The following COMMD7 variants were observed in gnomAD, a reference collection of about 807,000 sequenced individuals.
The protein encoded by COMMD7 is COMM domain containing 7.
A neutral mutation model predicts 34.8 loss-of-function variants in COMMD7; 28 were observed. The observed-to-expected ratio is 0.80, with a 90% CI of 0.60 to 1.10. The LOEUF is 1.10. COMMD7 is among the 50% of genes least tolerant of loss of function. The pLI is 0.00. For synonymous variants in COMMD7, 80 were observed against 86.4 expected (o/e 0.93, Z 0.41); for missense variants, 211 against 241.6 (o/e 0.87, Z 0.84).
At chr20:32,737,665 TA>T (rs34513807) in intron 1 of COMMD7, among the ~76,000 whole-genome samples, 104,659 of 150,850 alleles carry the variant, frequency 0.69, 36,981 homozygotes, top group Middle Eastern at 0.82. Context: ...CGTGTTGCTA[TA>T]AAAAAAATTA....
chr20:32,705,017 A>G lies in COMMD7; in HGVS notation c.337-113T>C, dbSNP rs1983980937. ...GACACAGATAGTGGGGAGGGTGCAG[A>G]AGATAGTGGGGAGGGTGCAGAACGA... On this transcript the variant is annotated intron_variant, in intron 5 of 8. Transcript: ENST00000278980. 7.9e-6 allele frequency: 6 copies of G among 761,314 alleles called. No individual in the cohort carries two copies. In the East Asian group the frequency reaches 1.3e-4, roughly 17 times the overall value. The allele number at this position is 761,314 out of a possible 1,614,324, so 47.2% of individuals were successfully genotyped here.
intron 3 of COMMD7, among the ~76,000 whole-genome samples, chr20:32,716,522 G>C (rs905845655): frequency 6.6e-6 from 1 of 152,188 alleles, no homozygotes; most frequent in Non-Finnish European, 1.5e-5. Flanking sequence ...GGCTGAGGCA[G>C]GAGAATGGCG....
chr20:32,710,996 C>G (rs148313573), intron 3 of COMMD7, among the ~76,000 whole-genome samples: 3 of 152,022 alleles, frequency 2.0e-5, no homozygotes. Context: ...ATAGGAGGAT[C>G]GCTTGAGCCC....
intron 3 of COMMD7, among the ~76,000 whole-genome samples, chr20:32,713,721 A>T (rs1187666270): frequency 6.6e-6 from 1 of 152,124 alleles, no homozygotes; most frequent in Non-Finnish European, 1.5e-5. Context: ...GGGAAACATC[A>T]ATGAACTGAA....
chr20:32,728,190 T>C (rs1985628609), intron 1 of COMMD7, 48 bp from the exon 2 acceptor site: 6 of 1,574,224 alleles, frequency 3.8e-6, no homozygotes, highest in South Asian at 1.1e-5. Flanking sequence ...TACTACTGGG[T>C]CAGCATGCCC....
intron 3 of COMMD7, among the ~76,000 whole-genome samples, chr20:32,707,170 G>A (rs28684963): frequency 2.5e-4 from 37 of 148,188 alleles, no homozygotes; most frequent in African/African-American, 8.6e-4. Flanking sequence ...TATAGTCCCA[G>A]CTACTCGGGA....
At chr20:32,738,799 A>T (rs898719905) in intron 1 of COMMD7, among the ~76,000 whole-genome samples, 1 of 151,934 alleles carries the variant, frequency 6.6e-6, no homozygotes, top group African/African-American at 2.4e-5. Context: ...TGGCATAATC[A>T]TAGCTAACCG....
Position 32,743,296 on chromosome 20 carries a change from C to G in COMMD7, c.84+12G>C, listed in dbSNP as rs934610264. ...CTGGGCCCCGCGCCCCACGCCCCGC[C>G]GCCGGGCCCACCTGCGCGCCCAGCT... On this transcript the variant is annotated intron_variant, in intron 1 of 8. Transcript: ENST00000278980. The G allele has an allele frequency of 2.0e-6, 3 of 1,514,182 alleles. No homozygotes were observed. The South Asian group carries it at 3.6e-5, about 18-fold the overall frequency. The allele number at this position is 1,514,182 out of a possible 1,614,324, so 93.8% of individuals were successfully genotyped here. A position where few individuals can be genotyped will look rare whatever the true frequency, so the allele number is the denominator to read the frequency against.
chr20:32,734,538 T>C (rs1329207379), intron 1 of COMMD7, among the ~76,000 whole-genome samples: 1 of 151,938 alleles, frequency 6.6e-6, no homozygotes, highest in African/African-American at 2.4e-5. Flanking sequence ...CCATTTTCTA[T>C]ATATATATAA....
At chr20:32,727,841 G>A in intron 3 of COMMD7, 52 bp downstream of exon 3, 1 of 1,406,958 alleles carries the variant, frequency 7.1e-7, no homozygotes, top group Non-Finnish European at 1.0e-6. Flanking sequence ...ATGGACTAAA[G>A]GAATGTTCAA....
chr20:32,740,783 A>G (rs1388188261), intron 1 of COMMD7, among the ~76,000 whole-genome samples: 2 of 148,878 alleles, frequency 1.3e-5, no homozygotes, highest in African/African-American at 5.0e-5. Flanking sequence ...GGCTACAGTG[A>G]GCAATGGGTG....
intron 1 of COMMD7, among the ~76,000 whole-genome samples, chr20:32,734,828 G>T (rs1008358544): frequency 6.6e-6 from 1 of 152,116 alleles, no homozygotes; most frequent in African/African-American, 2.4e-5. Context: ...GGAGGCTGAG[G>T]CAGGAGGATG....
chr20:32,712,189 G>C lies in COMMD7; in HGVS notation c.242-5429C>G, dbSNP rs1984489258. Reference sequence around the variant, plus strand: ...GGAGGCTGAGACAGGAGAATTGCTTGCACCCGGGAGGCAGAGGTTGCAGTG... The same window carrying C: ...GGAGGCTGAGACAGGAGAATTGCTTCCACCCGGGAGGCAGAGGTTGCAGTG... On this transcript the variant is annotated intron_variant, in intron 3 of 8. Transcript: ENST00000278980. 3.5e-5 allele frequency among the ~76,000 whole-genome samples: 5 copies of C among 144,756 alleles called. No homozygotes were observed. The South Asian group carries it at 1.1e-3, about 32-fold the overall frequency. 95.0% of individuals were successfully genotyped at this position (144,756 alleles called of 152,430 possible). A position where few individuals can be genotyped will look rare whatever the true frequency, so the allele number is the denominator to read the frequency against.
At chr20:32,709,880 C>G (rs768898990) in intron 3 of COMMD7, among the ~76,000 whole-genome samples, 2 of 150,908 alleles carry the variant, frequency 1.3e-5, no homozygotes, top group African/African-American at 4.9e-5. Context: ...CACATTTTTT[C>G]TTTTTTTACT....
At chr20:32,743,071 C>T (rs1205626905) in intron 1 of COMMD7, among the ~76,000 whole-genome samples, 3 of 152,100 alleles carry the variant, frequency 2.0e-5, no homozygotes, top group Non-Finnish European at 4.4e-5. Flanking sequence ...CAAAGCCTTT[C>T]GGACCCCTCA....
intron 3 of COMMD7, among the ~76,000 whole-genome samples, chr20:32,707,982 A>G (rs1020883975): frequency 6.6e-6 from 1 of 152,200 alleles, no homozygotes; most frequent in African/African-American, 2.4e-5. Context: ...GACCATTTAC[A>G]TCTGCAAAGA....
chr20:32,704,204 A>G, intron 7 of COMMD7, 133 bp from the exon 8 acceptor site: 1 of 823,378 alleles, frequency 1.2e-6, no homozygotes, highest in Non-Finnish European at 1.9e-6. Flanking sequence ...CCACCACCGA[A>G]AATTCTAACA....
chr20:32,708,118 C>T (rs964839825), intron 3 of COMMD7, among the ~76,000 whole-genome samples: 6 of 152,170 alleles, frequency 3.9e-5, no homozygotes, highest in African/African-American at 1.4e-4. Context: ...TTCTCAGAAG[C>T]CCTAGGAACA....
rs8116616 is a variant in COMMD7 at position 32,731,195 on chromosome 20, G to A, written c.85-3053C>T. 3.9e-5 allele frequency among the ~76,000 whole-genome samples: 6 copies of A among 152,208 alleles called. No individual in the cohort carries two copies. The South Asian group carries it at 8.3e-4, about 21-fold the overall frequency. ...TAGCCAGGCAAGGTGGCATGCTCCT[G>A]TAGTCCTAGCTACTCAGGAGGCTGA... On this transcript the variant is annotated intron_variant, in intron 1 of 8. Transcript: ENST00000278980.
Sources: gnomAD v4.1 joint callset for allele counts (sites outside exome capture counted in the v4.1 genomes callset) on GRCh38, gnomAD v4.1.1 for gene constraint, MANE v1.5 for transcripts, NCBI Gene and HGNC (gene_info 2026-07-23, HGNC 2026-07-21) for gene names.